RHBDD1: variants seen among roughly 807,000 people sequenced by gnomAD.
RHBDD1 encodes the protein rhomboid-related protein 4.
In RHBDD1, 38 loss-of-function variants were observed where a neutral mutation model predicts 36.3. The ratio of observed to expected loss-of-function variants is 1.05; its 90% CI spans 0.81 to 1.37. The LOEUF (loss-of-function observed/expected upper bound fraction) is 1.37, where lower values mean the gene tolerates loss of function less well. Ranked by LOEUF, RHBDD1 falls within the 40% of genes most tolerant of loss-of-function variation. The pLI is 0.00. For missense variants in RHBDD1, 393 were observed against 377.6 expected (o/e 1.04, Z -0.34); for synonymous variants, 151 against 136.5 (o/e 1.11, Z -0.74).
chr2:226,848,891 T>C (rs1322170976), intron 3 of RHBDD1, among the ~76,000 whole-genome samples: 2 of 152,224 alleles, frequency 1.3e-5, no homozygotes, highest in Non-Finnish European at 2.9e-5. Flanking sequence ...AGGGTAATCA[T>C]GTAAAGTTTG....
intron 3 of RHBDD1, among the ~76,000 whole-genome samples, chr2:226,859,512 A>G (rs1400986813): frequency 2.0e-5 from 3 of 152,218 alleles, no homozygotes; most frequent in Non-Finnish European, 4.4e-5. Context: ...CCAATCTTCC[A>G]TGGATACCCA....
intron 8 of RHBDD1, among the ~76,000 whole-genome samples, chr2:226,993,956 G>C (rs1958830205): frequency 2.6e-5 from 4 of 152,202 alleles, no homozygotes; most frequent in Admixed American, 2.6e-4. Context: ...CTGTTTACTT[G>C]CTTTCCCTCC....
chr2:226,904,854 G>A (rs1039037789), intron 5 of RHBDD1, among the ~76,000 whole-genome samples: 4 of 152,054 alleles, frequency 2.6e-5, no homozygotes, highest in African/African-American at 7.2e-5. Flanking sequence ...ACCAAATGGC[G>A]GATTCTTAGC....
intron 5 of RHBDD1, among the ~76,000 whole-genome samples, chr2:226,878,352 T>G (rs547676241): frequency 6.6e-6 from 1 of 152,314 alleles, no homozygotes; most frequent in African/African-American, 2.4e-5. Flanking sequence ...TAACAATAGC[T>G]TCAGTCCCAC....
intron 2 of RHBDD1, among the ~76,000 whole-genome samples, chr2:226,838,390 A>T (rs1941231338): frequency 6.6e-6 from 1 of 152,228 alleles, no homozygotes; most frequent in East Asian, 1.9e-4. Flanking sequence ...TCGGAGAGGC[A>T]GATCGCTATC....
At chr2:226,977,193 C>T (rs537580602) in intron 8 of RHBDD1, among the ~76,000 whole-genome samples, 3 of 152,324 alleles carry the variant, frequency 2.0e-5, no homozygotes, top group South Asian at 2.1e-4. Context: ...GGATGTCTCG[C>T]GTCTCTGGTT....
chr2:226,985,992 A>T (rs1956853994), intron 8 of RHBDD1, among the ~76,000 whole-genome samples: 1 of 152,280 alleles, frequency 6.6e-6, no homozygotes, highest in South Asian at 2.1e-4. Context: ...TAAGTGGTCA[A>T]GGTTAATGTC....
At chr2:226,867,497 C>G (rs976296405) in intron 5 of RHBDD1, 179 bp downstream of exon 5, 19 of 842,284 alleles carry the variant, frequency 2.3e-5, no homozygotes, top group Non-Finnish European at 2.7e-5. Flanking sequence ...ATCTTTTCAA[C>G]TATTAAGCTG....
At chr2:226,987,798 T>C (rs963757033) in intron 8 of RHBDD1, among the ~76,000 whole-genome samples, 5 of 152,350 alleles carry the variant, frequency 3.3e-5, no homozygotes, top group Middle Eastern at 6.8e-3. Flanking sequence ...CAGAGTCATC[T>C]GGGTGCTCGT....
chr2:226,867,286 C>T lies in RHBDD1; in HGVS notation c.534C>T (p.Val178=), dbSNP rs555465968. The part of the protein sequence containing the change: ...FPVPNRFACW[V]ELVAIHLFSP... ...TACCGAACAGATTTGCTTGTTGGGT[C>T]GAACTTGTGGCTATTCATTTATTCT... Residue 178 remains valine (V), a synonymous_variant, in exon 5 of 9, where the codon GTC becomes GTT. Coordinates refer to ENST00000392062, the MANE Select transcript of RHBDD1 (RefSeq NM_001167608.3). 12 of 1,613,462 alleles carry T rather than the reference C, an allele frequency of 7.4e-6. No homozygotes were observed. The highest frequency in any genetic ancestry group is 1.7e-5 in the Admixed American group (1 of 59,926).
At chr2:226,917,462 G>A (rs1053817978) in intron 8 of RHBDD1, among the ~76,000 whole-genome samples, 3 of 152,022 alleles carry the variant, frequency 2.0e-5, no homozygotes, top group Non-Finnish European at 4.4e-5. Flanking sequence ...GACTCGCTTG[G>A]TGAGAAGAGT....
At position 226,864,665 on chromosome 2, in the gene RHBDD1, T is replaced by G; in HGVS notation, c.-29T>G. The G allele has an allele frequency of 1.3e-6, 2 of 1,592,750 alleles. No individual in the cohort carries two copies. Among genetic ancestry groups the G allele is most frequent in the Non-Finnish European group, 1.7e-6 (2 of 1,165,288 alleles). On this transcript the variant is annotated 5_prime_UTR_variant, in exon 4 of 9. Transcript: ENST00000392062. Reference sequence around the variant, plus strand: ...CTGACCACCTGAGTACGTTTTCCCATTGCTGAGCTGTTTCCCTGATATCTG... The same window carrying G: ...CTGACCACCTGAGTACGTTTTCCCAGTGCTGAGCTGTTTCCCTGATATCTG...
At chr2:226,962,189 C>T (rs1365384389) in intron 8 of RHBDD1, among the ~76,000 whole-genome samples, 1 of 152,178 alleles carries the variant, frequency 6.6e-6, no homozygotes, top group East Asian at 1.9e-4. Flanking sequence ...AAAGGCTGAA[C>T]TGAGACTAAT....
At chr2:226,946,302 A>G (rs559869091) in intron 8 of RHBDD1, among the ~76,000 whole-genome samples, 9 of 152,248 alleles carry the variant, frequency 5.9e-5, no homozygotes, top group African/African-American at 1.9e-4. Flanking sequence ...TAAGTCTTTA[A>G]TCCATCTTGA....
the RHBDD1 span, among the ~76,000 whole-genome samples, chr2:226,827,735 A>C: frequency 6.6e-6 from 1 of 152,204 alleles, no homozygotes; most frequent in South Asian, 2.1e-4. Flanking sequence ...ATCTGGTTTC[A>C]TTGATAGTAA....
the RHBDD1 span, among the ~76,000 whole-genome samples, chr2:226,801,845 TA>T: frequency 4.6e-5 from 7 of 152,088 alleles, no homozygotes; most frequent in Non-Finnish European, 8.8e-5. Flanking sequence ...AGAGAGATTA[TA>T]AAAGGGTTGT....
chr2:226,977,243 C>G (rs1954770718), intron 8 of RHBDD1, among the ~76,000 whole-genome samples: 1 of 152,174 alleles, frequency 6.6e-6, no homozygotes, highest in South Asian at 2.1e-4. Context: ...CAAGCTCCCC[C>G]TCCCTTTAGT....
At position 226,914,466 on chromosome 2, in the gene RHBDD1, A is replaced by C. The variant is rs763077483; in HGVS notation, c.856+115A>C. 4 of 1,210,318 alleles carry C rather than the reference A, an allele frequency of 3.3e-6. No individual in the cohort carries two copies. The Admixed American group carries it at 1.1e-4, about 34-fold the overall frequency. The allele number at this position is 1,210,318 out of a possible 1,614,324, so 75.0% of individuals were successfully genotyped here. A position where few individuals can be genotyped will look rare whatever the true frequency, so the allele number is the denominator to read the frequency against. ...TAAACAGTTCAGAAAAAGGATATGTAGATGAAAACTGTGTGCAGATTGTGA... is the reference window on the plus strand; with the variant it reads ...TAAACAGTTCAGAAAAAGGATATGTCGATGAAAACTGTGTGCAGATTGTGA... On this transcript the variant is annotated intron_variant, in intron 8 of 8. Transcript: ENST00000392062.
At chr2:226,945,179 C>CT (rs577412309) in intron 8 of RHBDD1, among the ~76,000 whole-genome samples, 1 of 88,472 alleles carries the variant, frequency 1.1e-5, no homozygotes, top group Non-Finnish European at 2.5e-5. Flanking sequence ...TATTATTATA[C>CT]TTTAAGTTCT....
Sources: gnomAD v4.1 joint callset for allele counts (sites outside exome capture counted in the v4.1 genomes callset) on GRCh38, gnomAD v4.1.1 for gene constraint, MANE v1.5 for transcripts, NCBI Gene and HGNC (gene_info 2026-07-23, HGNC 2026-07-21) for gene names.